Variants in CSMD1 observed in about 807,000 individuals in gnomAD.
The protein encoded by CSMD1 is CUB and sushi domain-containing protein 1.
Under a neutral mutation model 417.5 loss-of-function variants are expected in CSMD1, and 213 were observed. The observed-to-expected ratio is 0.51, with a 90% CI of 0.46 to 0.57. The LOEUF (loss-of-function observed/expected upper bound fraction) is 0.57, where lower values mean the gene tolerates loss of function less well. CSMD1 is among the 20% of genes least tolerant of loss of function. CSMD1 has a pLI of 0.00. For synonymous variants in CSMD1, 2,862 were observed against 1,736.8 expected, an observed-to-expected ratio of 1.65 and a Z score of -16.11; for missense variants, 6,923 against 4,529.7, an observed-to-expected ratio of 1.53 and a Z score of -15.17.
intron 3 of CSMD1, among the ~76,000 whole-genome samples, chr8:4,151,089 A>C (rs958747968): frequency 2.0e-5 from 3 of 152,172 alleles, no homozygotes; most frequent in Non-Finnish European, 4.4e-5. Flanking sequence ...CCAGGGTGCA[A>C]CTTGCATCCT....
At chr8:4,023,461 TAGCA>T (rs1796889213) in intron 4 of CSMD1, among the ~76,000 whole-genome samples, 1 of 152,120 alleles carries the variant, frequency 6.6e-6, no homozygotes, top group Non-Finnish European at 1.5e-5. Context: ...CTGGGTTGAG[TAGCA>T]TTAGGGATTG....
At chr8:4,288,748 C>A (rs1797199444) in intron 3 of CSMD1, among the ~76,000 whole-genome samples, 1 of 152,172 alleles carries the variant, frequency 6.6e-6, no homozygotes, top group Non-Finnish European at 1.5e-5. Flanking sequence ...CTCAGATGGT[C>A]AACCTCCCAA....
At chr8:3,656,405 G>C (rs1211088612) in intron 7 of CSMD1, among the ~76,000 whole-genome samples, 2 of 151,910 alleles carry the variant, frequency 1.3e-5, no homozygotes, top group Non-Finnish European at 2.9e-5. Context: ...TTTCCTCTCA[G>C]TGCATCACCT....
At chr8:3,976,423 C>A (rs796714902) in intron 5 of CSMD1, among the ~76,000 whole-genome samples, 1 of 152,260 alleles carries the variant, frequency 6.6e-6, no homozygotes, top group African/African-American at 2.4e-5. Flanking sequence ...TGAGCTTCAT[C>A]AAGGAAAGCA....
At chr8:4,743,831 C>A (rs1221977817) in intron 1 of CSMD1, among the ~76,000 whole-genome samples, 1 of 152,196 alleles carries the variant, frequency 6.6e-6, no homozygotes, top group Non-Finnish European at 1.5e-5. Context: ...ATCGCAAAAG[C>A]AAGCTTCTTG....
intron 6 of CSMD1, among the ~76,000 whole-genome samples, chr8:3,710,898 G>A (rs116671434): frequency 1.0e-3 from 156 of 152,246 alleles, no homozygotes; most frequent in African/African-American, 3.7e-3. Context: ...GGAGCATGGA[G>A]ACAGGAGGGC....
At chr8:3,317,681 A>G (rs190639574) in intron 23 of CSMD1, among the ~76,000 whole-genome samples, 3 of 152,324 alleles carry the variant, frequency 2.0e-5, no homozygotes, top group Admixed American at 2.0e-4. Context: ...GGTTAATACT[A>G]CGTTTATTTG....
chr8:3,017,336 A>G (rs548066338), intron 52 of CSMD1, among the ~76,000 whole-genome samples: 122 of 152,300 alleles, frequency 8.0e-4, no homozygotes, highest in African/African-American at 2.7e-3. Context: ...GAATGCATGG[A>G]AACTCCTAGA....
rs182628876 is a variant in CSMD1 at position 4,047,138 on chromosome 8, C to T, written c.416-15039G>A. 3.0e-3 allele frequency among the ~76,000 whole-genome samples: 450 copies of T among 152,284 alleles called. 2 individuals are homozygous for T. The highest frequency in any genetic ancestry group is 0.01 in the African/African-American group (433 of 41,570). On this transcript the variant is annotated intron_variant, in intron 3 of 69. Coordinates refer to ENST00000635120, the MANE Select transcript of CSMD1 (RefSeq NM_033225.6). ...AATGGAAGCTGTGGAAGAAGCAGAG[C>T]AGCCTGCAACGGTTCCGTGAGCCTG...
intron 12 of CSMD1, among the ~76,000 whole-genome samples, chr8:3,453,953 C>G (rs1484746252): frequency 2.0e-5 from 3 of 152,110 alleles, no homozygotes; most frequent in African/African-American, 7.2e-5. Context: ...CTCTAAGTCT[C>G]TTTGTAGGTC....
intron 49 of CSMD1, among the ~76,000 whole-genome samples, chr8:3,054,114 T>TG (rs1812055979): frequency 6.6e-6 from 1 of 152,360 alleles, no homozygotes; most frequent in East Asian, 1.9e-4. Context: ...TTCTCTCTTC[T>TG]GCAAAAGCAC....
intron 3 of CSMD1, among the ~76,000 whole-genome samples, chr8:4,039,792 T>C (rs1170135308): frequency 6.6e-6 from 1 of 152,216 alleles, no homozygotes; most frequent in African/African-American, 2.4e-5. Flanking sequence ...GAAAAGTATA[T>C]GGCACAGGGA....
At chr8:3,004,584 G>A (rs1406245665) in intron 52 of CSMD1, among the ~76,000 whole-genome samples, 1 of 152,168 alleles carries the variant, frequency 6.6e-6, no homozygotes, top group African/African-American at 2.4e-5. Context: ...TATATAGATA[G>A]ACAATGTAAA....
intron 6 of CSMD1, among the ~76,000 whole-genome samples, chr8:3,714,641 G>A (rs574613943): frequency 5.9e-4 from 89 of 151,018 alleles, no homozygotes; most frequent in African/African-American, 2.1e-3. Context: ...GGAGGCTGAG[G>A]AACTAGAATT....
At chr8:4,335,927 C>G (rs545843036) in intron 3 of CSMD1, among the ~76,000 whole-genome samples, 1 of 151,992 alleles carries the variant, frequency 6.6e-6, no homozygotes, top group South Asian at 2.1e-4. Flanking sequence ...AGTGAGGGAG[C>G]CCCATATTGG....
intron 10 of CSMD1, among the ~76,000 whole-genome samples, chr8:3,495,184 G>C (rs967680140): frequency 3.9e-5 from 6 of 152,140 alleles, no homozygotes; most frequent in Non-Finnish European, 7.4e-5. Context: ...GTTAAACGTA[G>C]CACCTGATAT....
At chr8:3,301,988 G>C (rs1187009390) in intron 25 of CSMD1, among the ~76,000 whole-genome samples, 1 of 151,970 alleles carries the variant, frequency 6.6e-6, no homozygotes, top group Non-Finnish European at 1.5e-5. Flanking sequence ...TTTATCAAAA[G>C]AATTCCATGA....
At chr8:4,294,289 G>A (rs1052149251) in intron 3 of CSMD1, among the ~76,000 whole-genome samples, 2 of 152,102 alleles carry the variant, frequency 1.3e-5, no homozygotes. Context: ...AAAGGCTTCG[G>A]TGCTTCATAT....
intron 3 of CSMD1, among the ~76,000 whole-genome samples, chr8:4,309,229 G>T (rs1798424329): frequency 6.6e-6 from 1 of 151,966 alleles, no homozygotes; most frequent in Non-Finnish European, 1.5e-5. Context: ...ACCGTTAAGT[G>T]CAAGACCCAT....
Sources: gnomAD v4.1 joint callset for allele counts (sites outside exome capture counted in the v4.1 genomes callset) on GRCh38, gnomAD v4.1.1 for gene constraint, MANE v1.5 for transcripts, NCBI Gene and HGNC (gene_info 2026-07-23, HGNC 2026-07-21) for gene names.